RHBDL2: variants seen among roughly 807,000 people sequenced by gnomAD.
The protein encoded by RHBDL2 is rhomboid like 2.
RHBDL2 carries 26 observed loss-of-function variants against 31.7 expected under a neutral mutation model. The ratio of observed to expected loss-of-function variants is 0.82; its 90% confidence interval spans 0.60 to 1.14. RHBDL2 has a LOEUF of 1.14. Ranked by LOEUF, RHBDL2 falls within the 50% of genes most tolerant of loss-of-function variation. The pLI, the probability that RHBDL2 is intolerant of heterozygous loss-of-function variation, is 0.00. For missense variants in RHBDL2, 336 were observed against 364.4 expected, an observed-to-expected ratio of 0.92 and a Z score of 0.63; for synonymous variants, 123 against 127.2, an observed-to-expected ratio of 0.97 and a Z score of 0.22.
At chr1:38,890,039 C>CTT (rs767253851) in intron 6 of RHBDL2, among the ~76,000 whole-genome samples, 5 of 138,446 alleles carry the variant, frequency 3.6e-5, no homozygotes, top group South Asian at 2.3e-4. Flanking sequence ...ATAATATTTT[C>CTT]TTTTTTTTTT....
At position 38,919,181 on chromosome 1, in the gene RHBDL2, C is replaced by T; in HGVS notation, c.32G>A (p.Ser11Asn). 6.2e-7 allele frequency: 1 copy of T among 1,614,096 alleles called. No individual in the cohort carries two copies. Among genetic ancestry groups the T allele is most frequent in the East Asian group, 2.2e-5 (1 of 44,888 alleles). MAAVHDLEME[S>N]MNLNMGREMK... ...CTCTCTCCCCATATTCAGATTCATG[C>T]TCTCCATCTCCAGATCATGAACAGC... is the stretch of plus-strand genomic sequence containing the variant. Residue 11 changes from serine to asparagine, a missense_variant, in exon 2 of 8, where the codon AGC (serine) becomes AAC (asparagine). By Grantham distance (46) the Ser-to-Asn change is conservative. Coordinates refer to ENST00000372990, the MANE Select transcript of RHBDL2 (RefSeq NM_017821.5).
chr1:38,913,270 C>T (rs1188511111), intron 3 of RHBDL2, among the ~76,000 whole-genome samples: 3 of 151,946 alleles, frequency 2.0e-5, no homozygotes, highest in Admixed American at 6.6e-5. Context: ...TGAGCCACTG[C>T]ACCCAGCCTA....
intron 2 of RHBDL2, among the ~76,000 whole-genome samples, 175 bp from the exon 3 acceptor site, chr1:38,915,885 C>T (rs534489982): frequency 3.3e-5 from 5 of 152,256 alleles, no homozygotes; most frequent in East Asian, 3.9e-4. Flanking sequence ...TGGTTTCCAC[C>T]GTACCCCACT....
intron 1 of RHBDL2, among the ~76,000 whole-genome samples, chr1:38,921,176 G>A (rs1643310190): frequency 6.6e-6 from 1 of 152,188 alleles, no homozygotes; most frequent in Admixed American, 6.5e-5. Context: ...GAGGTCAGGA[G>A]TTTCAGAACA....
chr1:38,924,602 A>C (rs1643352858), intron 1 of RHBDL2, among the ~76,000 whole-genome samples: 1 of 151,888 alleles, frequency 6.6e-6, no homozygotes, highest in Non-Finnish European at 1.5e-5. Flanking sequence ...TCAAAAAAAA[A>C]ACAAGGAAAC....
intron 1 of RHBDL2, among the ~76,000 whole-genome samples, chr1:38,922,840 C>A (rs1292127510): frequency 6.6e-6 from 1 of 152,148 alleles, no homozygotes; most frequent in Non-Finnish European, 1.5e-5. Context: ...GCCTGTAATA[C>A]CAGCACTTTG....
intron 1 of RHBDL2, among the ~76,000 whole-genome samples, chr1:38,936,076 C>A (rs1481719047): frequency 6.6e-6 from 1 of 151,956 alleles, no homozygotes; most frequent in Non-Finnish European, 1.5e-5. Context: ...CCACGCCCAG[C>A]AAATCTTGTA....
intron 1 of RHBDL2, among the ~76,000 whole-genome samples, chr1:38,928,209 T>C (rs1643399582): frequency 6.6e-6 from 1 of 151,152 alleles, no homozygotes. Context: ...TGGTGCGATC[T>C]TGGCTCACTG....
chr1:38,906,404 G>A (rs528980809), intron 4 of RHBDL2, among the ~76,000 whole-genome samples: 27 of 152,272 alleles, frequency 1.8e-4, no homozygotes, highest in African/African-American at 6.5e-4. Flanking sequence ...GCCGGGCGCA[G>A]TGGCTCATCC....
intron 6 of RHBDL2, 41 bp from the exon 7 acceptor site, chr1:38,888,065 C>T: frequency 7.5e-7 from 1 of 1,337,004 alleles, no homozygotes; most frequent in Non-Finnish European, 1.1e-6. Context: ...AGAATCTCCA[C>T]AGTAGTACAC....
chr1:38,904,644 A>G (rs1643037719), intron 4 of RHBDL2, among the ~76,000 whole-genome samples: 1 of 150,788 alleles, frequency 6.6e-6, no homozygotes, highest in Non-Finnish European at 1.5e-5. Context: ...TCTAGGTAAT[A>G]TGGCAAAACA....
chr1:38,915,809 C>T, intron 2 of RHBDL2, 99 bp from the exon 3 acceptor site: 1 of 1,094,020 alleles, frequency 9.1e-7, no homozygotes. Flanking sequence ...ATTCAGCTCT[C>T]AAGTGGGCCA....
chr1:38,888,065 C>A (rs1396405697), intron 6 of RHBDL2, 41 bp from the exon 7 acceptor site: 1 of 1,336,886 alleles, frequency 7.5e-7, no homozygotes, highest in East Asian at 2.3e-5. Context: ...AGAATCTCCA[C>A]AGTAGTACAC....
At chr1:38,929,479 T>G (rs953994294) in intron 1 of RHBDL2, 1 of 1,289,472 alleles carries the variant, frequency 7.8e-7, no homozygotes, top group Non-Finnish European at 1.0e-6. Context: ...ACACTTTTAG[T>G]TGTGAGCTTG....
chr1:38,897,177 T>A (rs1185444930), intron 4 of RHBDL2, among the ~76,000 whole-genome samples: 1 of 151,708 alleles, frequency 6.6e-6, no homozygotes, highest in African/African-American at 2.4e-5. Context: ...CTCAGCTCAC[T>A]GCAAGCTCTG....
At chr1:38,924,220 C>T (rs569281586) in intron 1 of RHBDL2, among the ~76,000 whole-genome samples, 9 of 152,122 alleles carry the variant, frequency 5.9e-5, no homozygotes, top group African/African-American at 2.2e-4. Flanking sequence ...ATTGAGATTA[C>T]AGGTGTGAGA....
chr1:38,916,040 G>A (rs980014598), intron 2 of RHBDL2, among the ~76,000 whole-genome samples: 1 of 152,080 alleles, frequency 6.6e-6, no homozygotes, highest in South Asian at 2.1e-4. Flanking sequence ...CCTCATCGTC[G>A]CACCAACTGA....
intron 1 of RHBDL2, among the ~76,000 whole-genome samples, chr1:38,938,120 C>G (rs557894791): frequency 2.0e-5 from 3 of 152,062 alleles, no homozygotes; most frequent in Admixed American, 2.0e-4. Context: ...TGGGTTCAAG[C>G]GATTCTCCTC....
intron 4 of RHBDL2, among the ~76,000 whole-genome samples, chr1:38,900,965 T>A (rs1478249966): frequency 6.6e-6 from 1 of 151,714 alleles, no homozygotes; most frequent in African/African-American, 2.4e-5. Context: ...GGAGCACCGC[T>A]TGAACCCAGG....
Sources: gnomAD v4.1 joint callset for allele counts (sites outside exome capture counted in the v4.1 genomes callset) on GRCh38, gnomAD v4.1.1 for gene constraint, MANE v1.5 for transcripts, NCBI Gene and HGNC (gene_info 2026-07-23, HGNC 2026-07-21) for gene names.